TASP1: variants seen among roughly 807,000 people sequenced by gnomAD.
The protein encoded by TASP1 is taspase 1, also known as threonine aspartase 1.
TASP1 carries 16 observed loss-of-function variants against 56.6 expected under a neutral mutation model. The observed-to-expected ratio is 0.28, with a 90% CI of 0.19 to 0.43. The LOEUF (loss-of-function observed/expected upper bound fraction) is 0.43, where lower values mean the gene tolerates loss of function less well. Ranked by LOEUF, TASP1 falls within the 20% of genes least tolerant of loss-of-function variation. The pLI, the probability that TASP1 is intolerant of heterozygous loss-of-function variation, is 1.00. For missense variants in TASP1, 393 were observed against 511.6 expected (o/e 0.77, Z 2.24); for synonymous variants, 179 against 184.2 (o/e 0.97, Z 0.23).
chr20:13,471,749 C>A (rs1439649566), intron 11 of TASP1, among the ~76,000 whole-genome samples: 2 of 152,152 alleles, frequency 1.3e-5, no homozygotes, highest in East Asian at 1.9e-4. Context: ...CAGCTCCCAG[C>A]GTGATCTATG....
chr20:13,127,738 T>C, the TASP1 span, among the ~76,000 whole-genome samples: 1 of 152,210 alleles, frequency 6.6e-6, no homozygotes, highest in East Asian at 1.9e-4. Flanking sequence ...AAGACAAGAC[T>C]TTTTCTTTTT....
chr20:13,456,390 A>G (rs1056802973), intron 11 of TASP1, among the ~76,000 whole-genome samples: 2 of 152,136 alleles, frequency 1.3e-5, no homozygotes, highest in Admixed American at 1.3e-4. Flanking sequence ...ATTTTGTGAA[A>G]GTTTTGATGG....
chr20:13,468,458 T>C (rs1365592149), intron 11 of TASP1, among the ~76,000 whole-genome samples: 1 of 152,186 alleles, frequency 6.6e-6, no homozygotes, highest in African/African-American at 2.4e-5. Flanking sequence ...TCAAAAGTCA[T>C]AGTTATTTTC....
At chr20:13,335,897 G>A in the TASP1 span, among the ~76,000 whole-genome samples, 1 of 151,986 alleles carries the variant, frequency 6.6e-6, no homozygotes, top group Non-Finnish European at 1.5e-5. Context: ...ACAGAGAGAG[G>A]AGAGAAAATT....
At chr20:13,568,651 A>AT (rs889340650) in intron 7 of TASP1, among the ~76,000 whole-genome samples, 2 of 152,088 alleles carry the variant, frequency 1.3e-5, no homozygotes, top group East Asian at 1.9e-4. Flanking sequence ...TGGGTATAAG[A>AT]TTTTTTTCAA....
chr20:13,606,073 T>A (rs943082050), intron 4 of TASP1, among the ~76,000 whole-genome samples: 4 of 151,978 alleles, frequency 2.6e-5, no homozygotes, highest in Admixed American at 6.6e-5. Context: ...AGATGCTGAG[T>A]TTGGTGAGAG....
chr20:13,245,847 C>A, the TASP1 span, among the ~76,000 whole-genome samples: 9 of 152,222 alleles, frequency 5.9e-5, no homozygotes. Flanking sequence ...AACTGACCCA[C>A]CTTTCCTGCT....
intron 13 of TASP1, among the ~76,000 whole-genome samples, chr20:13,411,380 A>T (rs1384270578): frequency 6.6e-6 from 1 of 152,012 alleles, no homozygotes; most frequent in Non-Finnish European, 1.5e-5. Flanking sequence ...GGTCAATAGG[A>T]TTGTTTTAAA....
At chr20:13,519,315 C>T (rs1601095723) in intron 10 of TASP1, among the ~76,000 whole-genome samples, 1 of 151,938 alleles carries the variant, frequency 6.6e-6, no homozygotes, top group East Asian at 1.9e-4. Context: ...CAAATGTACC[C>T]ATGAATCTAC....
At chr20:13,207,551 T>C in the TASP1 span, among the ~76,000 whole-genome samples, 65 of 152,182 alleles carry the variant, frequency 4.3e-4, 1 homozygote, top group African/African-American at 1.5e-3. Context: ...ACCAGGAAAG[T>C]TGGTGGTGCA....
At chr20:13,261,814 G>A in the TASP1 span, among the ~76,000 whole-genome samples, 2 of 152,168 alleles carry the variant, frequency 1.3e-5, no homozygotes, top group Non-Finnish European at 2.9e-5. Context: ...AGGGTCCCTA[G>A]GCCACCCCTA....
chr20:13,511,019 C>G (rs567122318), intron 10 of TASP1, among the ~76,000 whole-genome samples: 1 of 152,192 alleles, frequency 6.6e-6, no homozygotes, highest in Non-Finnish European at 1.5e-5. Flanking sequence ...TGTACATAAC[C>G]CATACGCATG....
chr20:13,499,432 C>T (rs2043860371), intron 10 of TASP1, among the ~76,000 whole-genome samples: 2 of 150,654 alleles, frequency 1.3e-5, no homozygotes, highest in African/African-American at 4.9e-5. Context: ...ACACGTACCC[C>T]CTGAATCTAA....
chr20:13,444,956 A>G (rs191581157), intron 11 of TASP1, among the ~76,000 whole-genome samples: 1 of 152,188 alleles, frequency 6.6e-6, no homozygotes, highest in Non-Finnish European at 1.5e-5. Context: ...TCTGGTGATA[A>G]GCATAATATT....
intron 11 of TASP1, among the ~76,000 whole-genome samples, chr20:13,474,707 T>C (rs1206853075): frequency 6.6e-6 from 1 of 152,200 alleles, no homozygotes; most frequent in African/African-American, 2.4e-5. Flanking sequence ...TAAGGAATCT[T>C]CATACTGTTT....
At chr20:13,159,235 G>T in the TASP1 span, among the ~76,000 whole-genome samples, 1 of 152,176 alleles carries the variant, frequency 6.6e-6, no homozygotes, top group Admixed American at 6.5e-5. Flanking sequence ...GCATCAGACC[G>T]CTTTCTAGTT....
intron 8 of TASP1, among the ~76,000 whole-genome samples, chr20:13,539,100 A>G (rs1041572399): frequency 5.3e-5 from 8 of 152,184 alleles, no homozygotes; most frequent in African/African-American, 1.9e-4. Context: ...TGTGGACTGC[A>G]TGAAACCAGC....
At chr20:13,446,357 G>T in intron 11 of TASP1, among the ~76,000 whole-genome samples, 1 of 152,090 alleles carries the variant, frequency 6.6e-6, no homozygotes, top group East Asian at 1.9e-4. Flanking sequence ...GTATTCCGCT[G>T]ATTGTTAACA....
chr20:13,174,682 G>C, the TASP1 span, among the ~76,000 whole-genome samples: 4 of 148,456 alleles, frequency 2.7e-5, no homozygotes. Flanking sequence ...CTGGGTGACA[G>C]AGTGAAACCT....
Sources: gnomAD v4.1 joint callset for allele counts (sites outside exome capture counted in the v4.1 genomes callset) on GRCh38, gnomAD v4.1.1 for gene constraint, MANE v1.5 for transcripts, NCBI Gene and HGNC (gene_info 2026-07-23, HGNC 2026-07-21) for gene names.